The following PRMT2 variants were observed in gnomAD, a reference collection of about 807,000 sequenced individuals.
The protein encoded by PRMT2 is protein arginine N-methyltransferase 2.
A neutral mutation model predicts 57.6 loss-of-function variants in PRMT2; 26 were observed. That is an observed-to-expected ratio of 0.45 (90% CI 0.33 to 0.63). PRMT2 has a LOEUF of 0.63. Ranked by LOEUF, PRMT2 falls within the 20% of genes least tolerant of loss-of-function variation. PRMT2 has a pLI of 0.02. For synonymous variants in PRMT2, 219 were observed against 220.0 expected, an observed-to-expected ratio of 1.00 and a Z score of 0.04; for missense variants, 472 against 564.4, an observed-to-expected ratio of 0.84 and a Z score of 1.66.
intron 7 of PRMT2, chr21:46,658,259 A>C (rs1213995013): frequency 6.5e-6 from 1 of 154,264 alleles, no homozygotes; most frequent in Non-Finnish European, 1.4e-5. Flanking sequence ...GAGGGATGCA[A>C]GGTGGACCAA....
At chr21:46,660,803 C>T in intron 8 of PRMT2, 30 bp from the exon 9 acceptor site, 2 of 1,611,748 alleles carry the variant, frequency 1.2e-6, no homozygotes, top group Non-Finnish European at 1.7e-6. Context: ...TGCAATGACT[C>T]TCAACAGTCG....
intron 8 of PRMT2, 21 bp downstream of exon 8, chr21:46,658,941 C>T (rs764505051): frequency 6.2e-7 from 1 of 1,602,112 alleles, no homozygotes. Flanking sequence ...ACAGCTGGGA[C>T]TGGCACCGTC....
chr21:46,651,323 G>T (rs572205754), intron 7 of PRMT2, among the ~76,000 whole-genome samples: 1 of 152,306 alleles, frequency 6.6e-6, no homozygotes, highest in South Asian at 2.1e-4. Flanking sequence ...GGGCCACCAG[G>T]ACTGGCTGGG....
At chr21:46,639,090 A>G (rs1434662127) in intron 3 of PRMT2, among the ~76,000 whole-genome samples, 1 of 152,198 alleles carries the variant, frequency 6.6e-6, no homozygotes, top group Non-Finnish European at 1.5e-5. Context: ...AATATATTCA[A>G]TGGAAATTAG....
intron 7 of PRMT2, 194 bp from the exon 8 acceptor site, chr21:46,658,551 G>A: frequency 1.1e-6 from 1 of 919,960 alleles, no homozygotes; most frequent in South Asian, 2.0e-5. Flanking sequence ...CAGGCTGTGA[G>A]ATGCATCAGT....
rs768322678 is a variant in PRMT2 at position 46,660,918 on chromosome 21, A to G, written c.916A>G (p.Ile306Val). ...AGACTGTCTCTCTGAACCGTGCACT[A>G]TATTGCAGTTGGACATGAGAACCGT... ...PEDCLSEPCT[I>V]LQLDMRTVQI... Residue 306 changes from isoleucine (I) to valine (V), a missense_variant, in exon 9 of 12, where the codon ATA becomes GTA. This residue lies in a region of PRMT2 where 229 missense variants were observed against 217.2 expected (regional missense o/e 1.05). Transcript: ENST00000355680. 9.3e-6 allele frequency: 15 copies of G among 1,613,486 alleles called. No individual in the cohort carries two copies. Among genetic ancestry groups the G allele is most frequent in the African/African-American group, 4.0e-5 (3 of 75,022 alleles).
chr21:46,664,619 CG>C lies in PRMT2; in HGVS notation c.*294del. On this transcript the variant is annotated 3_prime_UTR_variant, in exon 12 of 12. Coordinates refer to ENST00000355680, the MANE Select transcript of PRMT2 (RefSeq NM_206962.4). ...CCACAGTGCCGACCCGTGGCTGGGT[CG>C]GAGCTCCATGTTCCTAAGCTAGGTC... 3 of 512,154 alleles carry C rather than the reference CG, an allele frequency of 5.9e-6. No individual in the cohort carries two copies. The highest frequency in any genetic ancestry group is 7.1e-6 in the Non-Finnish European group (2 of 282,400). The allele number at this position is 512,154 out of a possible 1,614,324, so 31.7% of individuals were successfully genotyped here.
In PRMT2 at chr21:46,649,045, ACTGTG is replaced by A. The variant is rs2061409279; in HGVS notation, c.489+430_489+434del. On this transcript the variant is annotated intron_variant, in intron 6 of 11. Coordinates refer to ENST00000355680, the MANE Select transcript of PRMT2 (RefSeq NM_206962.4). This position sits in a 1 kb window ranked among gnomAD's most constrained non-coding sequence, Gnocchi z 4.8. Reference sequence around the variant, plus strand: ...TCCCCACCCCTCTTAGGCCGTCTATACTGTGCTGAGCTGAGCCGAGCTGCAGCCTT... The same window carrying A: ...TCCCCACCCCTCTTAGGCCGTCTATACTGAGCTGAGCCGAGCTGCAGCCTT... Among the ~76,000 whole-genome samples, 2 of 152,008 alleles carry A rather than the reference ACTGTG, an allele frequency of 1.3e-5. No individual in the cohort carries two copies. The highest frequency in any genetic ancestry group is 4.8e-5 in the African/African-American group (2 of 41,374).
At chr21:46,656,440 A>G (rs1212439282) in intron 7 of PRMT2, among the ~76,000 whole-genome samples, 1 of 152,248 alleles carries the variant, frequency 6.6e-6, no homozygotes, top group Admixed American at 6.5e-5. Context: ...GAGGAACTAT[A>G]CTACTTGATT....
In PRMT2 at chr21:46,658,881, T is replaced by C. The variant is rs1045828037; in HGVS notation, c.791T>C (p.Phe264Ser). The change falls in exon 8 of 12, where the codon TTC (phenylalanine) becomes TCC (serine). Residue 264 changes from phenylalanine to serine, a missense_variant. By Grantham distance (155) the Phe-to-Ser change is radical (BLOSUM62 -2). Transcript: ENST00000355680. ...ADKDYRSKVL[F>S]WDNAYEFNLS... ...AAGGATTATCGTAGCAAGGTGCTCT[T>C]CTGGGACAACGCGTACGAGTTCAAC... 5 of 1,614,084 alleles carry C rather than the reference T, an allele frequency of 3.1e-6. No homozygotes were observed. The highest frequency in any genetic ancestry group is 4.2e-6 in the Non-Finnish European group (5 of 1,180,046).
intron 3 of PRMT2, among the ~76,000 whole-genome samples, chr21:46,641,031 GGAGGA>G (rs1437907628): frequency 6.6e-6 from 1 of 150,476 alleles, no homozygotes; most frequent in Non-Finnish European, 1.5e-5. Context: ...GGCTGAGGTA[GGAGGA>G]TTGCTTTAGC....
chr21:46,660,441 T>C (rs901483018), intron 8 of PRMT2, among the ~76,000 whole-genome samples: 36 of 152,212 alleles, frequency 2.4e-4, no homozygotes, highest in Non-Finnish European at 1.5e-4. Context: ...ACAAAAGATT[T>C]TGAAATCAAA....
At chr21:46,661,006 C>G (rs923053864) in intron 9 of PRMT2, 44 bp downstream of exon 9, 2 of 1,584,350 alleles carry the variant, frequency 1.3e-6, no homozygotes. Context: ...TAATCAGTGA[C>G]CACGAAACAC....
chr21:46,664,268 T>G, intron 11 of PRMT2, 27 bp from the exon 12 acceptor site: 2 of 1,533,962 alleles, frequency 1.3e-6, no homozygotes, highest in Non-Finnish European at 1.8e-6. Context: ...ATCATCTGAT[T>G]GACCTGTTGT....
At chr21:46,661,720 C>T (rs1468390019) in intron 9 of PRMT2, 80 bp from the exon 10 acceptor site, 13 of 1,239,764 alleles carry the variant, frequency 1.0e-5, no homozygotes, top group Non-Finnish European at 1.3e-5. Context: ...CTGCGCGGGG[C>T]GCGTGGAGGG....
At chr21:46,660,110 G>A in intron 8 of PRMT2, 1 of 969,294 alleles carries the variant, frequency 1.0e-6, no homozygotes, top group Non-Finnish European at 1.2e-6. Context: ...TAAATATAGT[G>A]GAATCTTTAT....
chr21:46,644,387 T>C lies in PRMT2; in HGVS notation c.226T>C (p.Cys76Arg), dbSNP rs770235947. 2.5e-6 allele frequency: 4 copies of C among 1,612,496 alleles called. No individual in the cohort carries two copies. In the Admixed American group the frequency reaches 5.0e-5, roughly 20 times the overall value. ...GTGGTGGGGTGAGCGTGCGGGCTGC[T>C]GTGGGTACATTCCGGCAAACCATGT... ...DWWWGERAGC[C>R]GYIPANHVGK... The change falls in exon 5 of 12, where the codon TGT becomes CGT. Residue 76 changes from cysteine (C) to arginine (R), a missense_variant. Around this residue, in one of 2 missense-constraint regions of PRMT2, gnomAD observed 243 missense variants for 347.2 expected, o/e 0.70. Transcript: ENST00000355680.
At chr21:46,651,730 T>C in intron 7 of PRMT2, 1 of 1,528,684 alleles carries the variant, frequency 6.5e-7, no homozygotes, top group South Asian at 1.2e-5. Context: ...ACAGGGTTGG[T>C]CGGATTTGAG....
chr21:46,641,553 G>C (rs534680850), intron 3 of PRMT2, among the ~76,000 whole-genome samples: 20 of 152,224 alleles, frequency 1.3e-4, no homozygotes, highest in African/African-American at 4.6e-4. Context: ...TTAGCCGGGC[G>C]TAGTGACACA....
Sources: gnomAD v4.1 joint callset for allele counts (sites outside exome capture counted in the v4.1 genomes callset) on GRCh38, gnomAD v4.1.1 for gene constraint, gnomAD v4.1.1 regional missense constraint, Gnocchi (gnomAD v3.1) non-coding constraint, MANE v1.5 for transcripts, NCBI Gene and HGNC (gene_info 2026-07-23, HGNC 2026-07-21) for gene names.